Variants in HECA observed in about 807,000 individuals in gnomAD.
HECA encodes the protein HECA ribonucleoprotein granule regulator.
A neutral mutation model predicts 37.6 loss-of-function variants in HECA; 13 were observed. The observed-to-expected ratio is 0.35, with a 90% CI of 0.23 to 0.55. The LOEUF is 0.55. HECA is among the 20% of genes least tolerant of loss of function. HECA has a pLI of 0.90. For synonymous variants in HECA, 307 were observed against 291.5 expected, an observed-to-expected ratio of 1.05 and a Z score of -0.54; for missense variants, 527 against 701.9, an observed-to-expected ratio of 0.75 and a Z score of 2.82.
At chr6:139,163,313 T>C (rs1774833229) in intron 1 of HECA, among the ~76,000 whole-genome samples, 1 of 151,712 alleles carries the variant, frequency 6.6e-6, no homozygotes, top group South Asian at 2.1e-4. Context: ...GAAGCACCGA[T>C]GTTACCTGGT....
Position 139,176,964 on chromosome 6 carries a change from T to C in HECA, c.1491T>C (p.Cys497=), listed in dbSNP as rs775948638. The stretch of plus-strand genomic sequence containing the variant: ...AGGCCCGCCTGAACTGTAAGCACTG[T>C]GGGAAGCCGGTGATCGACGTGAGGA... ...CCQARLNCKH[C]GKPVIDVRIG... is the part of the protein sequence containing the mutation. Residue 497 remains cysteine, a synonymous_variant, in exon 4 of 4, where the codon TGT becomes TGC. Coordinates refer to ENST00000367658, the MANE Select transcript of HECA (RefSeq NM_016217.3). The surrounding 1 kb of genome is among the most constrained non-coding windows in gnomAD (Gnocchi z 4.5). 1.1e-6 allele frequency: 1 copy of C among 872,662 alleles called. No individual in the cohort carries two copies. The highest frequency in any genetic ancestry group is 2.0e-6 in the Non-Finnish European group (1 of 501,486). 54.1% of individuals were successfully genotyped at this position (872,662 alleles called of 1,614,324 possible).
At chr6:139,142,994 G>A (rs967583356) in intron 1 of HECA, among the ~76,000 whole-genome samples, 3 of 152,202 alleles carry the variant, frequency 2.0e-5, no homozygotes, top group Non-Finnish European at 4.4e-5. Context: ...ACTGGTGATA[G>A]AGTTAGTGAA....
intron 2 of HECA, chr6:139,169,912 ATTTATGGTTGTTTG>A (rs1774948076): frequency 6.6e-6 from 1 of 152,220 alleles, no homozygotes; most frequent in African/African-American, 2.4e-5. Flanking sequence ...GCTGCATAGA[ATTTATGGTTGTTTG>A]TAACTTATTG....
chr6:139,143,942 A>C (rs1774548789), intron 1 of HECA, among the ~76,000 whole-genome samples: 1 of 152,104 alleles, frequency 6.6e-6, no homozygotes, highest in South Asian at 2.1e-4. Flanking sequence ...AAAGAGCAGG[A>C]GCATATGTGG....
At position 139,166,283 on chromosome 6, in the gene HECA, G is replaced by A; in HGVS notation, c.272-1G>A. Reference sequence around the variant, plus strand: ...CTGTTCTCTCTTTATTCCTCCCCCAGAAGCCCCATGTGCCACTCCCCTGAT... The same window carrying A: ...CTGTTCTCTCTTTATTCCTCCCCCAAAAGCCCCATGTGCCACTCCCCTGAT... On this transcript the variant is annotated splice_acceptor_variant, in intron 1 of 3. Transcript: ENST00000367658. LOFTEE classifies it high-confidence loss of function. 1 of 1,587,026 alleles carries A rather than the reference G, an allele frequency of 6.3e-7. No individual in the cohort carries two copies. Among genetic ancestry groups the A allele is most frequent in the Non-Finnish European group, 8.6e-7 (1 of 1,164,920 alleles).
chr6:139,146,886 G>A (rs1376145229), intron 1 of HECA, among the ~76,000 whole-genome samples: 2 of 152,204 alleles, frequency 1.3e-5, no homozygotes, highest in Non-Finnish European at 2.9e-5. Context: ...TATAGTTTTA[G>A]TAGTGAAGGT....
rs769002874 is a variant in HECA, at chr6:139,166,701, A to G, written c.689A>G (p.Lys230Arg). The change falls in exon 2 of 4, where the codon AAG becomes AGG. Residue 230 changes from lysine (K) to arginine (R), a missense_variant. Physicochemically the swap from Lys to Arg is conservative, Grantham distance 26 (BLOSUM62 2). Transcript: ENST00000367658. The part of the protein sequence containing the change: ...EEAKKCRPPN[K>R]PQKGPSHDLP... Reference sequence around the variant, plus strand: ...GCAAAAAAGTGCAGGCCCCCAAATAAGCCCCAGAAAGGCCCAAGCCACGAC... The same window carrying G: ...GCAAAAAAGTGCAGGCCCCCAAATAGGCCCCAGAAAGGCCCAAGCCACGAC... 21 of 1,612,164 alleles carry G rather than the reference A, an allele frequency of 1.3e-5. No homozygotes were observed. Among genetic ancestry groups the G allele is most frequent in the Non-Finnish European group, 1.7e-5 (20 of 1,179,238 alleles).
Position 139,135,136 on chromosome 6 carries a change from G to GTC in HECA, c.-258_-257dup, listed in dbSNP as rs1384517091. The GTC allele has an allele frequency of 5.8e-6, 1 of 171,200 alleles. No individual in the cohort carries two copies. The highest frequency in any genetic ancestry group is 1.2e-5 in the Non-Finnish European group (1 of 80,998). 10.6% of individuals were successfully genotyped at this position (171,200 alleles called of 1,614,324 possible). A position where few individuals can be genotyped will look rare whatever the true frequency, so the allele number is the denominator to read the frequency against. On this transcript the variant is annotated 5_prime_UTR_variant, in exon 1 of 4. Transcript: ENST00000367658. ...CGCCTTTTCCCTCCGGCTCGGGAGCGTCTCGCTTGCGCCCCGGGCCCGCGG... is the reference window on the plus strand; with the variant it reads ...CGCCTTTTCCCTCCGGCTCGGGAGCGTCTCTCGCTTGCGCCCCGGGCCCGCGG...
rs1191921261 is a variant in HECA at position 139,171,646 on chromosome 6, G to C, written c.1313-2739G>C. Among the ~76,000 whole-genome samples the C allele has an allele frequency of 6.0e-5, 9 of 148,842 alleles. 1 individual carries two copies. Among genetic ancestry groups the C allele is most frequent in the East Asian group, 2.0e-4 (1 of 5,062 alleles). ...TTTTCTTTTTTCTTTCTTTTTTTTTGAGTATCTCAGTCTGTCACCCTGGCT... is the reference window on the plus strand; with the variant it reads ...TTTTCTTTTTTCTTTCTTTTTTTTTCAGTATCTCAGTCTGTCACCCTGGCT... On this transcript the variant is annotated intron_variant, in intron 2 of 3. Coordinates refer to ENST00000367658, the MANE Select transcript of HECA (RefSeq NM_016217.3).
Position 139,135,190 on chromosome 6 carries a change from C to A in HECA, c.-207C>A. On this transcript the variant is annotated 5_prime_UTR_variant, in exon 1 of 4. Transcript: ENST00000367658. ...CCGCGCGGCTGCGAGCCTCGGGTGG[C>A]CGCGTGCCGGCTCCAGGAAGCCGGA... 2 of 262,092 alleles carry A rather than the reference C, an allele frequency of 7.6e-6. No individual in the cohort carries two copies. The highest frequency in any genetic ancestry group is 1.3e-5 in the Non-Finnish European group (2 of 155,678). The allele number at this position is 262,092 out of a possible 1,614,324, so 16.2% of individuals were successfully genotyped here.
At chr6:139,164,849 T>A (rs1460177327) in intron 1 of HECA, among the ~76,000 whole-genome samples, 2 of 138,860 alleles carry the variant, frequency 1.4e-5, no homozygotes, top group Non-Finnish European at 3.0e-5. Context: ...TGGCAACAGG[T>A]TTCCTTCCTT....
In HECA at chr6:139,156,102, G is replaced by A. The variant is rs1774708581; in HGVS notation, c.272-10182G>A. ...AAATACTAACTTGTGGCAGTATTAT[G>A]TGAACTCTTCTTGTTGCTAGAACTT... On this transcript the variant is annotated intron_variant, in intron 1 of 3. Coordinates refer to ENST00000367658, the MANE Select transcript of HECA (RefSeq NM_016217.3). Among the ~76,000 whole-genome samples the A allele has an allele frequency of 2.6e-5, 4 of 151,816 alleles. No homozygotes were observed. In the South Asian group the frequency reaches 8.3e-4, roughly 31 times the overall value.
At chr6:139,144,179 A>C (rs1774551390) in intron 1 of HECA, 1 of 152,094 alleles carries the variant, frequency 6.6e-6, no homozygotes, top group Non-Finnish European at 1.5e-5. Flanking sequence ...ATTAGATCCT[A>C]ATTCATTGTT....
chr6:139,167,698 G>A (rs1410978544), intron 2 of HECA, among the ~76,000 whole-genome samples: 4 of 152,202 alleles, frequency 2.6e-5, no homozygotes, highest in African/African-American at 4.8e-5. Flanking sequence ...AAACATAACA[G>A]TGAGGAAAAG....
intron 1 of HECA, among the ~76,000 whole-genome samples, chr6:139,149,246 AT>A (rs1192769474): frequency 1.3e-5 from 2 of 152,066 alleles, no homozygotes; most frequent in African/African-American, 2.4e-5. Context: ...TTCCAAACTC[AT>A]TTCTGTTCTA....
At chr6:139,169,839 A>G (rs564396752) in intron 2 of HECA, 1 of 152,352 alleles carries the variant, frequency 6.6e-6, no homozygotes, top group South Asian at 2.1e-4. Context: ...GTTCATCAGT[A>G]TAAGTCCTAA....
chr6:139,143,809 C>T (rs1418911734), intron 1 of HECA, among the ~76,000 whole-genome samples: 3 of 149,350 alleles, frequency 2.0e-5, no homozygotes, highest in East Asian at 2.0e-4. Context: ...TGCAGTGAGC[C>T]GAGATTGCGC....
intron 1 of HECA, among the ~76,000 whole-genome samples, chr6:139,136,819 A>G (rs1157743576): frequency 1.3e-5 from 2 of 152,008 alleles, no homozygotes; most frequent in Non-Finnish European, 2.9e-5. Flanking sequence ...TATTTTTAGT[A>G]GAGACAGGGT....
rs1426274983 is a variant in HECA, at chr6:139,179,234, T to C, written c.*2129T>C. Reference sequence around the variant, plus strand: ...TGCTAAGTTTCTCTTGTCCTCGTAATACCATTTGGATTTTATTTCTGAATT... The same window carrying C: ...TGCTAAGTTTCTCTTGTCCTCGTAACACCATTTGGATTTTATTTCTGAATT... On this transcript the variant is annotated 3_prime_UTR_variant, in exon 4 of 4. Coordinates refer to ENST00000367658, the MANE Select transcript of HECA (RefSeq NM_016217.3). The C allele has an allele frequency of 1.3e-5, 2 of 152,236 alleles. No homozygotes were observed. Among genetic ancestry groups the C allele is most frequent in the African/African-American group, 4.8e-5 (2 of 41,464 alleles). The allele number at this position is 152,236 out of a possible 1,614,324, so 9.4% of individuals were successfully genotyped here. A position where few individuals can be genotyped will look rare whatever the true frequency, so the allele number is the denominator to read the frequency against.
Sources: allele counts gnomAD v4.1 joint callset (sites outside exome capture counted in the v4.1 genomes callset), GRCh38; gene constraint gnomAD v4.1.1; non-coding constraint Gnocchi (gnomAD v3.1); transcripts MANE v1.5; gene names NCBI Gene and HGNC (gene_info 2026-07-23, HGNC 2026-07-21).